WDR72: variants seen among roughly 807,000 people sequenced by gnomAD.
WDR72 encodes WD repeat-containing protein 72.
Under a neutral mutation model 124.2 loss-of-function variants are expected in WDR72, and 120 were observed. That is an observed-to-expected ratio of 0.97 (90% CI 0.83 to 1.12). The LOEUF (loss-of-function observed/expected upper bound fraction) is 1.12. WDR72 is among the 50% of genes most tolerant of loss of function. The pLI is 0.00. For missense variants in WDR72, 1,387 were observed against 1,278.8 expected (o/e 1.08, Z -1.29); for synonymous variants, 452 against 441.7 (o/e 1.02, Z -0.29).
intron 19 of WDR72, among the ~76,000 whole-genome samples, chr15:53,520,070 G>A (rs1891701887): frequency 6.6e-6 from 1 of 151,916 alleles, no homozygotes; most frequent in African/African-American, 2.4e-5. Context: ...CTTTTTCTGT[G>A]CTTCAATGTC....
chr15:53,702,174 C>G lies in WDR72; in HGVS notation c.1529G>C (p.Gly510Ala), dbSNP rs748269156. Residue 510 changes from glycine to alanine, a missense_variant, in exon 12 of 20, where the codon GGT (glycine) becomes GCT (alanine). Physicochemically the swap from Gly to Ala is moderately conservative, Grantham distance 60. Transcript: ENST00000360509. Reference sequence around the variant, plus strand: ...TGACATCAAAAGACTTGTTACTGGACCAGCTTCCAAAAAGAATTTATGCAA... The same window carrying G: ...TGACATCAAAAGACTTGTTACTGGAGCAGCTTCCAAAAAGAATTTATGCAA... The part of the protein sequence containing the change: ...EILHKFFLEA[G>A]PVTSLLMSPE... 23 of 1,613,900 alleles carry G rather than the reference C, an allele frequency of 1.4e-5. No individual in the cohort carries two copies. The highest frequency in any genetic ancestry group is 1.1e-5 in the Non-Finnish European group (13 of 1,179,984).
rs148169064 is a variant in WDR72, at chr15:53,520,259, T to C, written c.3254-2505A>G. ...AAAATACTTTTTTTCATTTTCTATATGCTGTTCAAACAACTGAGCTATTCA... is the reference window on the plus strand; with the variant it reads ...AAAATACTTTTTTTCATTTTCTATACGCTGTTCAAACAACTGAGCTATTCA... On this transcript the variant is annotated intron_variant, in intron 19 of 19. Transcript: ENST00000360509. 1.6e-3 allele frequency among the ~76,000 whole-genome samples: 251 copies of C among 152,236 alleles called. 2 individuals are homozygous for C. In the East Asian group the frequency reaches 0.045, roughly 27 times the overall value.
chr15:53,711,229 G>A, intron 8 of WDR72, 107 bp downstream of exon 8: 1 of 1,538,252 alleles, frequency 6.5e-7, no homozygotes, highest in Non-Finnish European at 8.9e-7. Context: ...AAGTTGTTTT[G>A]TTCTGGTTTT....
chr15:53,529,766 T>C (rs558974784), intron 18 of WDR72, among the ~76,000 whole-genome samples: 2 of 152,106 alleles, frequency 1.3e-5, no homozygotes, highest in African/African-American at 4.8e-5. Context: ...ATGGGGTCCA[T>C]GAAGTCATTT....
Position 53,615,596 on chromosome 15 carries a change from C to G in WDR72, c.2610G>C (p.Leu870Phe), listed in dbSNP as rs931723471. ...VNLFSRKVLD[L>F]SDKYTATLPN... ...GAAGAGTGGCTGTGTATTTATCTGA[C>G]AAGTCCAAAACTTTCCTGGAAAATA... The change falls in exon 15 of 20, where the codon TTG becomes TTC. Residue 870 changes from leucine to phenylalanine, a missense_variant. Leu to Phe is a conservative substitution (Grantham distance 22). Transcript: ENST00000360509. 1 of 1,612,980 alleles carries G rather than the reference C, an allele frequency of 6.2e-7. No homozygotes were observed. Among genetic ancestry groups the G allele is most frequent in the Non-Finnish European group, 8.5e-7 (1 of 1,179,454 alleles).
chr15:53,716,195 A>G (rs2017701005), intron 4 of WDR72, among the ~76,000 whole-genome samples: 1 of 152,210 alleles, frequency 6.6e-6, no homozygotes, highest in African/African-American at 2.4e-5. Context: ...AAAGTTATAT[A>G]CAGAGAAATT....
intron 18 of WDR72, among the ~76,000 whole-genome samples, chr15:53,571,770 ATTT>A (rs55973676): frequency 8.9e-4 from 132 of 147,908 alleles, no homozygotes; most frequent in East Asian, 3.0e-3. Flanking sequence ...TCTATTTTTC[ATTT>A]TTTTTTTTTT....
At chr15:53,673,750 G>C (rs964651541) in intron 13 of WDR72, among the ~76,000 whole-genome samples, 7 of 152,168 alleles carry the variant, frequency 4.6e-5, no homozygotes, top group Non-Finnish European at 1.0e-4. Context: ...AGCACTTTGG[G>C]AGGCCGAGGT....
chr15:53,621,676 C>A (rs2014001249), intron 14 of WDR72, among the ~76,000 whole-genome samples: 1 of 151,894 alleles, frequency 6.6e-6, no homozygotes, highest in Non-Finnish European at 1.5e-5. Flanking sequence ...TAAAAGACTA[C>A]AAGTGTGTGC....
chr15:53,673,488 AC>A (rs1340654892), intron 13 of WDR72, among the ~76,000 whole-genome samples: 2 of 152,226 alleles, frequency 1.3e-5, no homozygotes, highest in African/African-American at 4.8e-5. Context: ...TAATTGACTT[AC>A]TATAACTCAT....
At chr15:53,743,293 T>C (rs963831934) in intron 1 of WDR72, among the ~76,000 whole-genome samples, 1 of 152,122 alleles carries the variant, frequency 6.6e-6, no homozygotes, top group African/African-American at 2.4e-5. Context: ...TTTAATTATA[T>C]ATAGATCACT....
chr15:53,561,567 T>C (rs1350665868), intron 18 of WDR72, among the ~76,000 whole-genome samples: 5 of 151,918 alleles, frequency 3.3e-5, no homozygotes, highest in South Asian at 2.1e-4. Flanking sequence ...AAAACCTCAA[T>C]TTCTTGTTAT....
At chr15:53,574,081 T>A (rs757426451) in intron 18 of WDR72, among the ~76,000 whole-genome samples, 8 of 152,296 alleles carry the variant, frequency 5.3e-5, no homozygotes, top group Non-Finnish European at 1.2e-4. Flanking sequence ...TAACTGTATC[T>A]CTTGATGTAT....
chr15:53,588,068 A>C (rs1312425235), intron 18 of WDR72, among the ~76,000 whole-genome samples: 5 of 152,058 alleles, frequency 3.3e-5, no homozygotes, highest in Non-Finnish European at 7.4e-5. Flanking sequence ...CTAACACTTC[A>C]GAAGAAAACC....
intron 17 of WDR72, among the ~76,000 whole-genome samples, chr15:53,597,950 A>G (rs2012855828): frequency 6.6e-6 from 1 of 152,088 alleles, no homozygotes; most frequent in South Asian, 2.1e-4. Flanking sequence ...GCTTACACAG[A>G]CTTGGTGGAC....
intron 17 of WDR72, among the ~76,000 whole-genome samples, chr15:53,606,378 A>G (rs2013283215): frequency 1.3e-5 from 2 of 152,108 alleles, no homozygotes; most frequent in Non-Finnish European, 2.9e-5. Flanking sequence ...GTTTATTCCA[A>G]TTATTACAGA....
At chr15:53,595,428 C>T (rs1245764119) in intron 18 of WDR72, among the ~76,000 whole-genome samples, 2 of 152,084 alleles carry the variant, frequency 1.3e-5, no homozygotes, top group East Asian at 3.9e-4. Context: ...GTACTGGGGA[C>T]AGAATTGGGC....
chr15:53,548,414 A>T (rs191210457), intron 18 of WDR72, among the ~76,000 whole-genome samples: 1 of 152,330 alleles, frequency 6.6e-6, no homozygotes. Flanking sequence ...TGGGATTGGA[A>T]TTCCTGTTGT....
chr15:53,680,424 T>C (rs528177867), intron 13 of WDR72, among the ~76,000 whole-genome samples: 3 of 152,142 alleles, frequency 2.0e-5, no homozygotes, highest in South Asian at 4.1e-4. Flanking sequence ...AAAACTATCA[T>C]GGTTGTAAGA....
Sources: allele counts gnomAD v4.1 joint callset (sites outside exome capture counted in the v4.1 genomes callset), GRCh38; gene constraint gnomAD v4.1.1; transcripts MANE v1.5; gene names NCBI Gene and HGNC (gene_info 2026-07-23, HGNC 2026-07-21).